The following PDCD5 variants were observed in gnomAD, a reference collection of about 807,000 sequenced individuals.
PDCD5 encodes programmed cell death protein 5.
Under a neutral mutation model 21.9 loss-of-function variants are expected in PDCD5, and 23 were observed. The ratio of observed to expected loss-of-function variants is 1.05; its 90% CI spans 0.76 to 1.49. The LOEUF (loss-of-function observed/expected upper bound fraction) is 1.49, where lower values mean the gene tolerates loss of function less well. Ranked by LOEUF, PDCD5 falls within the 40% of genes most tolerant of loss-of-function variation. The pLI, the probability that PDCD5 is intolerant of heterozygous loss-of-function variation, is 0.00. For missense variants in PDCD5, 152 were observed against 147.7 expected, an observed-to-expected ratio of 1.03 and a Z score of -0.15; for synonymous variants, 45 against 49.4, an observed-to-expected ratio of 0.91 and a Z score of 0.37.
chr19:32,581,405 G>C, intron 1 of PDCD5, 78 bp downstream of exon 1: 3 of 1,035,682 alleles, frequency 2.9e-6, no homozygotes, highest in Non-Finnish European at 3.9e-6. Context: ...CGCCTCCGGG[G>C]CGGAGGCTCT....
intron 2 of PDCD5, among the ~76,000 whole-genome samples, chr19:32,583,211 C>T (rs1971445532): frequency 1.3e-5 from 2 of 152,170 alleles, no homozygotes; most frequent in South Asian, 4.1e-4. Flanking sequence ...CCCTGTAAGA[C>T]TGAACTTTTT....
intron 4 of PDCD5, chr19:32,586,439 G>A: frequency 8.9e-7 from 1 of 1,123,308 alleles, no homozygotes; most frequent in South Asian, 2.7e-5. Context: ...GCTTGTGTGG[G>A]AGAGAGCTGG....
intron 5 of PDCD5, 64 bp from the exon 6 acceptor site, chr19:32,587,189 T>A: frequency 7.8e-7 from 1 of 1,280,344 alleles, no homozygotes; most frequent in Non-Finnish European, 1.1e-6. Flanking sequence ...AGAAATCTTT[T>A]CTCGGAAAAT....
Position 32,587,424 on chromosome 19 carries a change from A to G in PDCD5, c.*124A>G. The G allele has an allele frequency of 4.9e-6, 3 of 609,700 alleles. No homozygotes were observed. Among genetic ancestry groups the G allele is most frequent in the South Asian group, 6.6e-5 (2 of 30,170 alleles). The allele number at this position is 609,700 out of a possible 1,614,324, so 37.8% of individuals were successfully genotyped here. On this transcript the variant is annotated 3_prime_UTR_variant, in exon 6 of 6. Coordinates refer to ENST00000590247, the MANE Select transcript of PDCD5 (RefSeq NM_004708.4). ...AAAATAAACTTGTTATGCAAAATAA[A>G]ACATTTGGGTAAGTTGTTTTAGTAT...
In PDCD5 at chr19:32,587,372, T is replaced by C; in HGVS notation, c.*72T>C. 9.5e-7 allele frequency: 1 copy of C among 1,056,724 alleles called. No individual in the cohort carries two copies. The highest frequency in any genetic ancestry group is 1.4e-6 in the Non-Finnish European group (1 of 697,602). 65.5% of individuals were successfully genotyped at this position (1,056,724 alleles called of 1,614,324 possible). On this transcript the variant is annotated 3_prime_UTR_variant, in exon 6 of 6. Coordinates refer to ENST00000590247, the MANE Select transcript of PDCD5 (RefSeq NM_004708.4). ...AGAAGTTAAGATCTGATTATTTACTTTGTTTATTGTCTATATGCCTTTTAA... is the reference window on the plus strand; with the variant it reads ...AGAAGTTAAGATCTGATTATTTACTCTGTTTATTGTCTATATGCCTTTTAA...
intron 2 of PDCD5, among the ~76,000 whole-genome samples, chr19:32,582,977 C>A (rs1219793464): frequency 2.6e-5 from 4 of 152,138 alleles, no homozygotes; most frequent in Non-Finnish European, 5.9e-5. Context: ...GGAAGTAAAA[C>A]GACGCAAATT....
At chr19:32,582,515 T>TG (rs138087598) in intron 2 of PDCD5, among the ~76,000 whole-genome samples, 2 of 152,124 alleles carry the variant, frequency 1.3e-5, no homozygotes, top group Non-Finnish European at 1.5e-5. Context: ...TCCTCGGCTG[T>TG]GGGGGTGACG....
chr19:32,585,801 A>AT lies in PDCD5; in HGVS notation c.167-9dup. 2 of 1,464,732 alleles carry AT rather than the reference A, an allele frequency of 1.4e-6. No homozygotes were observed. Among genetic ancestry groups the AT allele is most frequent in the Non-Finnish European group, 1.9e-6 (2 of 1,046,442 alleles). The allele number at this position is 1,464,732 out of a possible 1,614,324, so 90.7% of individuals were successfully genotyped here. ...ATTTTAATGGATTTTTTGCATATGT[A>AT]TTTTTTCTTTTTAGTAAGTAACTTA... On this transcript the variant is annotated splice_polypyrimidine_tract_variant and intron_variant, in intron 3 of 5. Transcript: ENST00000590247.
intron 2 of PDCD5, among the ~76,000 whole-genome samples, chr19:32,584,129 G>T (rs1283951913): frequency 6.6e-6 from 1 of 151,998 alleles, no homozygotes; most frequent in Non-Finnish European, 1.5e-5. Context: ...ACCATGCCTG[G>T]CCTAGACCCC....
intron 2 of PDCD5, among the ~76,000 whole-genome samples, chr19:32,583,702 C>CT (rs1421692892): frequency 6.6e-6 from 1 of 151,930 alleles, no homozygotes; most frequent in East Asian, 1.9e-4. Flanking sequence ...TGACTGAAGC[C>CT]TGTAGACCCA....
At chr19:32,585,623 A>G (rs1019367862) in intron 3 of PDCD5, among the ~76,000 whole-genome samples, 193 bp from the exon 4 acceptor site, 10 of 152,164 alleles carry the variant, frequency 6.6e-5, no homozygotes, top group Non-Finnish European at 1.3e-4. Flanking sequence ...CACTACCCCC[A>G]TGTGCCCATG....
rs1248363758 is a variant in PDCD5, at chr19:32,586,936, G to A, written c.330+7G>A. The A allele has an allele frequency of 1.3e-6, 2 of 1,594,798 alleles. No homozygotes were observed. The highest frequency in any genetic ancestry group is 1.7e-6 in the Non-Finnish European group (2 of 1,168,908). ...AAAGACAACAACAGTGAAAGTAAGT[G>A]TCCCCAGATGCTTGTGGCAAATGAA... On this transcript the variant is annotated splice_region_variant and intron_variant, in intron 5 of 5. Coordinates refer to ENST00000590247, the MANE Select transcript of PDCD5 (RefSeq NM_004708.4).
At chr19:32,586,370 GCTACCACCACAGC>G in intron 4 of PDCD5, 1 of 1,224,566 alleles carries the variant, frequency 8.2e-7, no homozygotes, top group Non-Finnish European at 1.0e-6. Context: ...GAAGCCGTCT[GCTACCACCACAGC>G]CTACCCGAAT....
In PDCD5 at chr19:32,583,727, C is replaced by G. The variant is rs575515935; in HGVS notation, c.105-1223C>G. Among the ~76,000 whole-genome samples, 667 of 152,002 alleles carry G rather than the reference C, an allele frequency of 4.4e-3. 15 individuals are homozygous for G. Among genetic ancestry groups the G allele is most frequent in the Non-Finnish European group, 2.4e-3 (160 of 67,942 alleles). ...CTGTAGACCCAGCTACTCAGGAGGCCGAGGGGGAAGAATCACTTGAGCACA... is the reference window on the plus strand; with the variant it reads ...CTGTAGACCCAGCTACTCAGGAGGCGGAGGGGGAAGAATCACTTGAGCACA... On this transcript the variant is annotated intron_variant, in intron 2 of 5. Transcript: ENST00000590247.
Position 32,581,279 on chromosome 19 carries a change from T to C in PDCD5, c.18T>C (p.Leu6=). Residue 6 remains leucine, a synonymous_variant, in exon 1 of 6, where the codon CTT becomes CTC. Coordinates refer to ENST00000590247, the MANE Select transcript of PDCD5 (RefSeq NM_004708.4). The stretch of plus-strand genomic sequence containing the variant: ...GCCGAGCCATGGCGGACGAGGAGCT[T>C]GAGGCGCTGAGGAGACAGAGGCTGG... MADEE[L]EALRRQRLAE... is the part of the protein sequence containing the mutation. 1 of 1,528,484 alleles carries C rather than the reference T, an allele frequency of 6.5e-7. No homozygotes were observed. Among genetic ancestry groups the C allele is most frequent in the Non-Finnish European group, 8.8e-7 (1 of 1,142,310 alleles). 94.7% of individuals were successfully genotyped at this position (1,528,484 alleles called of 1,614,324 possible).
chr19:32,582,842 C>T (rs1051979778), intron 2 of PDCD5, among the ~76,000 whole-genome samples: 1 of 152,176 alleles, frequency 6.6e-6, no homozygotes, highest in African/African-American at 2.4e-5. Flanking sequence ...CACCTTCTTA[C>T]TCCTCCTCTC....
chr19:32,587,223 G>C (rs376687894), intron 5 of PDCD5, 30 bp from the exon 6 acceptor site: 66 of 1,496,586 alleles, frequency 4.4e-5, no homozygotes, highest in Non-Finnish European at 5.8e-5. Flanking sequence ...TATTAGAAAT[G>C]TTCTGACACT....
At chr19:32,584,876 G>A (rs1971461159) in intron 2 of PDCD5, 74 bp from the exon 3 acceptor site, 3 of 1,201,934 alleles carry the variant, frequency 2.5e-6, no homozygotes, top group Admixed American at 1.7e-5. Flanking sequence ...TACTGGATGG[G>A]TTCTTTCTCG....
At chr19:32,581,915 G>C (rs188950713) in intron 1 of PDCD5, among the ~76,000 whole-genome samples, 274 of 152,290 alleles carry the variant, frequency 1.8e-3, no homozygotes, top group Middle Eastern at 6.8e-3. Flanking sequence ...TTATTTTCCA[G>C]AAATTATTCC....
Sources: allele counts gnomAD v4.1 joint callset (sites outside exome capture counted in the v4.1 genomes callset), GRCh38; gene constraint gnomAD v4.1.1; transcripts MANE v1.5; gene names NCBI Gene and HGNC (gene_info 2026-07-23, HGNC 2026-07-21).